PPP3CC: variants seen among roughly 807,000 people sequenced by gnomAD.
PPP3CC encodes serine/threonine-protein phosphatase 2B catalytic subunit gamma isoform.
PPP3CC carries 35 observed loss-of-function variants against 60.3 expected under a neutral mutation model. The ratio of observed to expected loss-of-function variants is 0.58; its 90% CI spans 0.44 to 0.77. The LOEUF (loss-of-function observed/expected upper bound fraction) is 0.77. Ranked by LOEUF, PPP3CC falls within the 30% of genes least tolerant of loss-of-function variation. The pLI is 0.00. For synonymous variants in PPP3CC, 206 were observed against 224.3 expected (o/e 0.92, Z 0.73); for missense variants, 570 against 628.9 (o/e 0.91, Z 1.00).
chr8:22,518,067 G>T (rs184663629), intron 6 of PPP3CC, among the ~76,000 whole-genome samples: 100 of 142,224 alleles, frequency 7.0e-4, no homozygotes, highest in African/African-American at 2.4e-3. Flanking sequence ...TTATCTTGAG[G>T]TTTTTTTTTT....
intron 5 of PPP3CC, among the ~76,000 whole-genome samples, chr8:22,511,589 T>C (rs1004010307): frequency 8.5e-5 from 13 of 152,134 alleles, no homozygotes; most frequent in African/African-American, 3.1e-4. Flanking sequence ...TGTTTCTTAT[T>C]GCAGTCAACC....
At chr8:22,491,174 G>A (rs756433124) in intron 3 of PPP3CC, among the ~76,000 whole-genome samples, 2 of 152,144 alleles carry the variant, frequency 1.3e-5, no homozygotes, top group Non-Finnish European at 2.9e-5. Flanking sequence ...ATGATTTAAT[G>A]TCTCTAGGTT....
At chr8:22,441,843 T>TTGA (rs3084077) in intron 1 of PPP3CC, among the ~76,000 whole-genome samples, 2,174 of 152,322 alleles carry the variant, frequency 0.014, 116 homozygotes, top group East Asian at 0.1. Context: ...TAGATCTTTC[T>TTGA]TGACGTCCGC....
chr8:22,460,693 T>A (rs945389673), intron 1 of PPP3CC, among the ~76,000 whole-genome samples: 2 of 151,920 alleles, frequency 1.3e-5, no homozygotes, highest in African/African-American at 4.8e-5. Context: ...ATGGTGCATA[T>A]CTGAAGTCCC....
chr8:22,446,271 TC>T (rs33955688), intron 1 of PPP3CC, among the ~76,000 whole-genome samples: 27,935 of 151,898 alleles, frequency 0.18, 4,885 homozygotes, highest in African/African-American at 0.47. Flanking sequence ...TCACGTTCAG[TC>T]CACTGGTTTC....
chr8:22,489,641 AT>A (rs1271136193), intron 3 of PPP3CC, among the ~76,000 whole-genome samples: 2 of 68,652 alleles, frequency 2.9e-5, no homozygotes, highest in African/African-American at 1.3e-4. Context: ...TATATTACAT[AT>A]AATATACAAT....
intron 1 of PPP3CC, among the ~76,000 whole-genome samples, chr8:22,466,048 T>G (rs1837512015): frequency 6.6e-6 from 1 of 152,140 alleles, no homozygotes; most frequent in African/African-American, 2.4e-5. Flanking sequence ...CCATGTGATC[T>G]CATTGTTCAA....
chr8:22,529,348 T>G (rs1383308196), intron 10 of PPP3CC, among the ~76,000 whole-genome samples: 1 of 152,252 alleles, frequency 6.6e-6, no homozygotes, highest in Non-Finnish European at 1.5e-5. Context: ...CCAATACTGT[T>G]TATGATACTT....
In PPP3CC at chr8:22,497,447, C is replaced by T. The variant is rs190516913; in HGVS notation, c.373-554C>T. On this transcript the variant is annotated intron_variant, in intron 3 of 13. Transcript: ENST00000240139. Reference sequence around the variant, plus strand: ...TGAGTAGCTGGAACCATATGTGTGCCGCTGTGCCCCAGGGCTATTGATTTT... The same window carrying T: ...TGAGTAGCTGGAACCATATGTGTGCTGCTGTGCCCCAGGGCTATTGATTTT... Among the ~76,000 whole-genome samples the T allele has an allele frequency of 2.6e-5, 4 of 152,114 alleles. No individual in the cohort carries two copies. The East Asian group carries it at 5.8e-4, about 22-fold the overall frequency.
At chr8:22,479,711 T>G (rs1838003015) in intron 3 of PPP3CC, among the ~76,000 whole-genome samples, 1 of 135,170 alleles carries the variant, frequency 7.4e-6, no homozygotes, top group Non-Finnish European at 1.5e-5. Context: ...CCCACTGCAC[T>G]CCAGCCTGGG....
chr8:22,474,909 C>G, intron 1 of PPP3CC, 45 bp from the exon 2 acceptor site: 5 of 1,224,902 alleles, frequency 4.1e-6, no homozygotes, highest in Non-Finnish European at 5.5e-6. Flanking sequence ...TGTTTGTTCT[C>G]TATACATTTA....
At chr8:22,510,784 G>A (rs951181256) in intron 4 of PPP3CC, 2 of 271,318 alleles carry the variant, frequency 7.4e-6, no homozygotes, top group Non-Finnish European at 1.4e-5. Context: ...TTCCCACCAG[G>A]TAACTGGGTA....
intron 4 of PPP3CC, among the ~76,000 whole-genome samples, chr8:22,501,970 T>A (rs1054943497): frequency 2.0e-5 from 3 of 152,172 alleles, no homozygotes; most frequent in Non-Finnish European, 4.4e-5. Context: ...GAGATTACAG[T>A]GGGCTATGAT....
In PPP3CC at chr8:22,450,896, C is replaced by T. The variant is rs181231638; in HGVS notation, c.49+9438C>T. Among the ~76,000 whole-genome samples the T allele has an allele frequency of 1.1e-3, 170 of 151,204 alleles. 1 individual carries two copies. Among genetic ancestry groups the T allele is most frequent in the African/African-American group, 4.0e-3 (164 of 41,280 alleles). On this transcript the variant is annotated intron_variant, in intron 1 of 13. Transcript: ENST00000240139. Reference sequence around the variant, plus strand: ...TGTCACCCAGGCTAGAGTGCAGTGGCGCCACCACGGCTCACTGAAAGCTCC... The same window carrying T: ...TGTCACCCAGGCTAGAGTGCAGTGGTGCCACCACGGCTCACTGAAAGCTCC...
At chr8:22,474,893 G>T in intron 1 of PPP3CC, 61 bp from the exon 2 acceptor site, 1 of 1,107,078 alleles carries the variant, frequency 9.0e-7, no homozygotes, top group Non-Finnish European at 1.2e-6. Context: ...TAAAAGAATT[G>T]TGTTCTGTTT....
intron 8 of PPP3CC, 147 bp downstream of exon 8, chr8:22,522,896 G>C (rs994243373): frequency 1.7e-6 from 1 of 583,292 alleles, no homozygotes; most frequent in Admixed American, 3.5e-5. Flanking sequence ...CAAAGGCCAA[G>C]AAATTTAGAA....
intron 4 of PPP3CC, among the ~76,000 whole-genome samples, chr8:22,501,341 G>T (rs577038326): frequency 6.6e-6 from 1 of 152,292 alleles, no homozygotes; most frequent in South Asian, 2.1e-4. Context: ...TGGCTAAAAA[G>T]AACACATTTA....
At chr8:22,499,653 A>G (rs1326360598) in intron 4 of PPP3CC, among the ~76,000 whole-genome samples, 3 of 152,202 alleles carry the variant, frequency 2.0e-5, no homozygotes, top group African/African-American at 7.2e-5. Context: ...CTGCTCACTA[A>G]CAAACAGTAT....
rs1563725926 is a variant in PPP3CC at position 22,485,792 on chromosome 8, G to T, written c.372+10168G>T. ...GAATGGTATGTCCGAAGAACAAAGA[G>T]AAGGTTAGAGGTTTTATGAAAAAGC... On this transcript the variant is annotated intron_variant, in intron 3 of 13. Transcript: ENST00000240139. 2.0e-5 allele frequency among the ~76,000 whole-genome samples: 3 copies of T among 152,214 alleles called. No homozygotes were observed. The South Asian group carries it at 6.2e-4, about 31-fold the overall frequency.
Sources: gnomAD v4.1 joint callset for allele counts (sites outside exome capture counted in the v4.1 genomes callset) on GRCh38, gnomAD v4.1.1 for gene constraint, MANE v1.5 for transcripts, NCBI Gene and HGNC (gene_info 2026-07-23, HGNC 2026-07-21) for gene names.